GABRA3: variants seen among roughly 807,000 people sequenced by gnomAD.
GABRA3 encodes gamma-aminobutyric acid type A receptor subunit alpha3, also known as gamma-aminobutyric acid receptor subunit alpha-3.
A neutral mutation model predicts 30.1 loss-of-function variants in GABRA3; 10 were observed. The observed-to-expected ratio is 0.33, with a 90% CI of 0.20 to 0.56. The LOEUF (loss-of-function observed/expected upper bound fraction) is 0.56. Ranked by LOEUF, GABRA3 falls within the 20% of genes least tolerant of loss-of-function variation. The pLI is 0.89. For synonymous variants in GABRA3, 151 were observed against 146.8 expected (o/e 1.03, Z -0.21); for missense variants, 233 against 392.0 (o/e 0.59, Z 3.42).
At chrX:152,250,675 A>G (rs1192339520) in intron 5 of GABRA3, 1 of 111,378 alleles carries the variant, frequency 9.0e-6, no homozygotes, top group Non-Finnish European at 1.9e-5. Flanking sequence ...TGAAGTAAGC[A>G]GCAGGTAACG....
chrX:152,387,129 A>C (rs1162874563), intron 1 of GABRA3, among the ~76,000 whole-genome samples: 1 of 87,690 alleles, frequency 1.1e-5, no homozygotes, highest in Non-Finnish European at 2.2e-5. Flanking sequence ...GGGGAACATC[A>C]CACTCTGGGG....
intron 3 of GABRA3, among the ~76,000 whole-genome samples, chrX:152,304,728 T>A (rs1180003373): frequency 2.7e-5 from 3 of 112,251 alleles, no homozygotes. Context: ...TAGGCTAATG[T>A]GATGCCTCCA....
At position 152,345,576 on chromosome X, in the gene GABRA3, C is replaced by T. The variant is rs1171770665; in HGVS notation, c.262+5G>A. On this transcript the variant is annotated splice_donor_5th_base_variant and intron_variant, in intron 3 of 9. Coordinates refer to ENST00000370314, the MANE Select transcript of GABRA3 (RefSeq NM_000808.4). Reference sequence around the variant, plus strand: ...AAGGACTTCAAAGATCTTAAAAGGACTGACCTCCAAGCCCAGGTCGCAGCC... The same window carrying T: ...AAGGACTTCAAAGATCTTAAAAGGATTGACCTCCAAGCCCAGGTCGCAGCC... 8.3e-7 allele frequency: 1 copy of T among 1,199,715 alleles called. No homozygotes were observed. Among genetic ancestry groups the T allele is most frequent in the Admixed American group, 2.3e-5 (1 of 42,776 alleles).
chrX:152,200,224 T>C (rs1328971119), intron 7 of GABRA3, among the ~76,000 whole-genome samples: 1 of 111,811 alleles, frequency 8.9e-6, no homozygotes, highest in African/African-American at 3.3e-5. Context: ...CAGAGCTTCT[T>C]ATTTTTCACC....
intron 3 of GABRA3, among the ~76,000 whole-genome samples, chrX:152,338,060 G>T (rs1330236176): frequency 9.0e-6 from 1 of 111,557 alleles, no homozygotes; most frequent in Non-Finnish European, 1.9e-5. Context: ...TAGTGCAATT[G>T]CTGGATCATA....
rs943041074 is a variant in GABRA3 at position 152,203,934 on chromosome X, T to C, written c.778+4067A>G. Among the ~76,000 whole-genome samples the C allele has an allele frequency of 2.7e-5, 3 of 111,874 alleles. No homozygotes were observed. In the Admixed American group the frequency reaches 2.9e-4, roughly 11 times the overall value. ...GGTTCTACGGAATAGAATGTGGACA[T>C]CTTTGGGGGGCCGCTATTCTCCCTA... On this transcript the variant is annotated intron_variant, in intron 7 of 9. Transcript: ENST00000370314.
At chrX:152,270,096 C>T (rs752679071) in intron 4 of GABRA3, among the ~76,000 whole-genome samples, 6 of 111,887 alleles carry the variant, frequency 5.4e-5, no homozygotes, top group South Asian at 3.8e-4. Context: ...AATATCCATA[C>T]GATATGGTTT....
At chrX:152,378,927 G>A (rs1023138600) in intron 1 of GABRA3, among the ~76,000 whole-genome samples, 5 of 110,845 alleles carry the variant, frequency 4.5e-5, no homozygotes, top group Admixed American at 9.6e-5. Flanking sequence ...AACTTACCAG[G>A]GAGATATAAT....
At chrX:152,325,177 T>G (rs1235457128) in intron 3 of GABRA3, among the ~76,000 whole-genome samples, 1 of 111,205 alleles carries the variant, frequency 9.0e-6, no homozygotes, top group Non-Finnish European at 1.9e-5. Context: ...TGATTAGGTG[T>G]TTTGTGGAGG....
chrX:152,197,578 C>T lies in GABRA3; in HGVS notation c.931+55G>A, dbSNP rs1937405701. 5 of 1,080,291 alleles carry T rather than the reference C, an allele frequency of 4.6e-6. No individual in the cohort carries two copies. The Admixed American group carries it at 1.2e-4, about 27-fold the overall frequency. 89.0% of individuals were successfully genotyped at this position (1,080,291 alleles called of 1,213,427 possible). On this transcript the variant is annotated intron_variant, in intron 8 of 9. Transcript: ENST00000370314. ...GCCATTCTTCCACCTTTCTCACCTC[C>T]ACTGTGACTCTGCATGATAAGACTT... is the stretch of plus-strand genomic sequence containing the variant.
At chrX:152,218,754 A>G (rs188641309) in intron 6 of GABRA3, among the ~76,000 whole-genome samples, 31 of 111,431 alleles carry the variant, frequency 2.8e-4, no homozygotes, top group African/African-American at 9.7e-4. Context: ...GGATGGGAAT[A>G]GGGCTCCCTG....
intron 5 of GABRA3, among the ~76,000 whole-genome samples, chrX:152,239,520 CA>C (rs1359928139): frequency 3.8e-4 from 35 of 92,329 alleles, no homozygotes; most frequent in Non-Finnish European, 1.9e-4. Context: ...CCACTTGGTG[CA>C]GAGCTGAGTT....
At chrX:152,363,577 C>T (rs1332642801) in intron 2 of GABRA3, among the ~76,000 whole-genome samples, 1 of 111,042 alleles carries the variant, frequency 9.0e-6, no homozygotes, top group African/African-American at 3.3e-5. Context: ...TGAGGCTACA[C>T]CTTTGCTTTA....
chrX:152,237,751 G>T (rs1385674557), intron 5 of GABRA3, among the ~76,000 whole-genome samples: 1 of 105,934 alleles, frequency 9.4e-6, no homozygotes, highest in Non-Finnish European at 1.9e-5. Context: ...TCTCTTTGAA[G>T]CAATTGTGAA....
chrX:152,185,780 C>T (rs1937245262), intron 9 of GABRA3, among the ~76,000 whole-genome samples: 1 of 111,917 alleles, frequency 8.9e-6, no homozygotes, highest in Non-Finnish European at 1.9e-5. Context: ...AACTCAGACC[C>T]AAATCAAATT....
chrX:152,265,580 C>T (rs1352124953), intron 4 of GABRA3, among the ~76,000 whole-genome samples: 1 of 111,208 alleles, frequency 9.0e-6, no homozygotes, highest in East Asian at 2.8e-4. Flanking sequence ...AACAATGCAT[C>T]TTAAAGAACT....
intron 5 of GABRA3, among the ~76,000 whole-genome samples, chrX:152,231,009 A>G (rs1251980570): frequency 9.1e-6 from 1 of 110,289 alleles, no homozygotes; most frequent in Non-Finnish European, 1.9e-5. Context: ...AGAAAATGAA[A>G]AGACAAGGCA....
chrX:152,307,684 G>T (rs1340660063), intron 3 of GABRA3, among the ~76,000 whole-genome samples: 1 of 111,396 alleles, frequency 9.0e-6, no homozygotes, highest in East Asian at 2.8e-4. Flanking sequence ...TGCAAAGTCA[G>T]GGGTGAAATG....
intron 1 of GABRA3, among the ~76,000 whole-genome samples, chrX:152,448,878 C>T (rs1171636965): frequency 1.8e-5 from 2 of 111,014 alleles, no homozygotes; most frequent in African/African-American, 6.6e-5. Context: ...AATATGAAAG[C>T]GACCTTCCTT....
Sources: gnomAD v4.1 joint callset for allele counts (sites outside exome capture counted in the v4.1 genomes callset) on GRCh38, gnomAD v4.1.1 for gene constraint, MANE v1.5 for transcripts, NCBI Gene and HGNC (gene_info 2026-07-23, HGNC 2026-07-21) for gene names.